SLC25A16: variants seen among roughly 807,000 people sequenced by gnomAD.
SLC25A16 encodes the protein solute carrier family 25 member 16.
In SLC25A16, 39 loss-of-function variants were observed where a neutral mutation model predicts 41.5. The ratio of observed to expected loss-of-function variants is 0.94; its 90% CI spans 0.73 to 1.23. SLC25A16 has a LOEUF of 1.23. Ranked by LOEUF, SLC25A16 falls within the 50% of genes most tolerant of loss-of-function variation. The pLI, the probability that SLC25A16 is intolerant of heterozygous loss-of-function variation, is 0.00. For missense variants in SLC25A16, 421 were observed against 426.9 expected, an observed-to-expected ratio of 0.99 and a Z score of 0.12; for synonymous variants, 146 against 147.8, an observed-to-expected ratio of 0.99 and a Z score of 0.09.
chr10:68,482,884 C>T lies in SLC25A16; in HGVS notation c.*548G>A, dbSNP rs2052500938. ...CTACATGGCTACCTTTTAAATACAA[C>T]ATTAATTTTATTTAAAAAATGAAGG... On this transcript the variant is annotated 3_prime_UTR_variant, in exon 9 of 9. Coordinates refer to ENST00000609923, the MANE Select transcript of SLC25A16 (RefSeq NM_152707.4). 1 of 152,084 alleles carries T rather than the reference C, an allele frequency of 6.6e-6. No individual in the cohort carries two copies. Among genetic ancestry groups the T allele is most frequent in the Non-Finnish European group, 1.5e-5 (1 of 68,020 alleles). 9.4% of individuals were successfully genotyped at this position (152,084 alleles called of 1,614,324 possible).
intron 2 of SLC25A16, among the ~76,000 whole-genome samples, chr10:68,510,170 GAGT>G (rs2053036376): frequency 2.6e-5 from 4 of 152,142 alleles, no homozygotes; most frequent in Admixed American, 1.3e-4. Context: ...TAAAAAGTCG[GAGT>G]AGAAGTAATA....
chr10:68,521,598 T>C (rs2053250641), intron 1 of SLC25A16, among the ~76,000 whole-genome samples: 2 of 141,502 alleles, frequency 1.4e-5, no homozygotes, highest in Non-Finnish European at 3.1e-5. Context: ...TTTTTTTTTT[T>C]TTTTTTTTTT....
intron 7 of SLC25A16, among the ~76,000 whole-genome samples, chr10:68,487,758 C>A (rs542419542): frequency 6.6e-6 from 1 of 152,256 alleles, no homozygotes; most frequent in South Asian, 2.1e-4. Flanking sequence ...GCAGCAAGTC[C>A]CCTTGAATAC....
At chr10:68,497,152 G>A (rs1441173787) in intron 4 of SLC25A16, among the ~76,000 whole-genome samples, 1 of 152,174 alleles carries the variant, frequency 6.6e-6, no homozygotes, top group Non-Finnish European at 1.5e-5. Flanking sequence ...TGTTCTCAAA[G>A]ACAGCTTCTC....
chr10:68,488,339 T>G (rs1457103649), intron 7 of SLC25A16, 128 bp downstream of exon 7: 3 of 588,610 alleles, frequency 5.1e-6, no homozygotes, highest in Non-Finnish European at 8.4e-6. Flanking sequence ...TGTATTAAAT[T>G]GAGACCTATA....
At chr10:68,504,774 G>A (rs983781410) in intron 3 of SLC25A16, among the ~76,000 whole-genome samples, 5 of 152,150 alleles carry the variant, frequency 3.3e-5, no homozygotes, top group East Asian at 1.9e-4. Flanking sequence ...TCCGTATCCC[G>A]GGTTCAAGCG....
At position 68,499,584 on chromosome 10, in the gene SLC25A16, G is replaced by A. The variant is rs371680947; in HGVS notation, c.421+4048C>T. ...AACCGAGGCAAGAAACGCAAAAGGC[G>A]TTTCAATGCAATATCCAACATTAGC... is the stretch of plus-strand genomic sequence containing the variant. On this transcript the variant is annotated intron_variant, in intron 4 of 8. Transcript: ENST00000609923. 77 of 289,160 alleles carry A rather than the reference G, an allele frequency of 2.7e-4. 1 individual carries two copies. The highest frequency in any genetic ancestry group is 2.5e-3 in the South Asian group (60 of 24,312). The allele number at this position is 289,160 out of a possible 1,614,324, so 17.9% of individuals were successfully genotyped here. A position where few individuals can be genotyped will look rare whatever the true frequency, so the allele number is the denominator to read the frequency against.
At position 68,488,599 on chromosome 10, in the gene SLC25A16, T is replaced by G. The variant is rs891793029; in HGVS notation, c.641A>C (p.Lys214Thr). ...AGGAGCATGGGAAAGCCCAACACTC[T>G]TCAAGGTACCAAAAGTAAAAAATGA... Reference protein sequence around the residue: ...GVSFFTFGTLKSVGLSHAPTL... With the variant: ...GVSFFTFGTLTSVGLSHAPTL... The change falls in exon 7 of 9, where the codon AAG (lysine) becomes ACG (threonine). Residue 214 changes from lysine (K) to threonine (T), a missense_variant. Coordinates refer to ENST00000609923, the MANE Select transcript of SLC25A16 (RefSeq NM_152707.4). The G allele has an allele frequency of 6.2e-7, 1 of 1,613,166 alleles. No individual in the cohort carries two copies. The highest frequency in any genetic ancestry group is 1.3e-5 in the African/African-American group (1 of 74,984).
Position 68,511,019 on chromosome 10 carries a change from A to T in SLC25A16, c.224-4301T>A, listed in dbSNP as rs370793027. 4.6e-5 allele frequency among the ~76,000 whole-genome samples: 7 copies of T among 152,276 alleles called. No homozygotes were observed. The South Asian group carries it at 1.2e-3, about 27-fold the overall frequency. The stretch of plus-strand genomic sequence containing the variant: ...TTTGGGAGGCCAAAGCGGGCAGAAC[A>T]CGAGGTCAGGAGGTCGAGACCAGCA... On this transcript the variant is annotated intron_variant, in intron 2 of 8. Coordinates refer to ENST00000609923, the MANE Select transcript of SLC25A16 (RefSeq NM_152707.4).
intron 8 of SLC25A16, 28 bp from the exon 9 acceptor site, chr10:68,483,616 T>A: frequency 6.5e-7 from 1 of 1,530,080 alleles, no homozygotes; most frequent in Non-Finnish European, 8.8e-7. Flanking sequence ...AATGATGACC[T>A]CTATGCCCAC....
chr10:68,513,622 G>T (rs1277756535), intron 2 of SLC25A16, among the ~76,000 whole-genome samples: 1 of 152,124 alleles, frequency 6.6e-6, no homozygotes, highest in East Asian at 1.9e-4. Flanking sequence ...GCGCGTGGTG[G>T]CTCATGCCTG....
intron 1 of SLC25A16, among the ~76,000 whole-genome samples, chr10:68,521,546 A>G (rs1410099740): frequency 1.3e-5 from 2 of 149,140 alleles, no homozygotes; most frequent in African/African-American, 2.5e-5. Flanking sequence ...AAAAATAAAC[A>G]CAACGAGGAC....
chr10:68,488,148 CCT>C (rs2052595646), intron 7 of SLC25A16, among the ~76,000 whole-genome samples: 1 of 152,082 alleles, frequency 6.6e-6, no homozygotes, highest in Non-Finnish European at 1.5e-5. Flanking sequence ...CCGCGCCCAC[CCT>C]CTTTCTTTTT....
At chr10:68,522,410 T>C (rs1378115855) in intron 1 of SLC25A16, among the ~76,000 whole-genome samples, 1 of 151,206 alleles carries the variant, frequency 6.6e-6, no homozygotes, top group Non-Finnish European at 1.5e-5. Flanking sequence ...CCAGGCACAG[T>C]GGCTCATGCC....
At chr10:68,488,168 G>C (rs1336804911) in intron 7 of SLC25A16, among the ~76,000 whole-genome samples, 1 of 151,778 alleles carries the variant, frequency 6.6e-6, no homozygotes, top group African/African-American at 2.4e-5. Flanking sequence ...TTTTTCTTAG[G>C]GGCAAGGTCT....
At chr10:68,500,396 C>A (rs1410177228) in intron 4 of SLC25A16, among the ~76,000 whole-genome samples, 3 of 152,072 alleles carry the variant, frequency 2.0e-5, no homozygotes, top group Non-Finnish European at 4.4e-5. Context: ...CAACCTCCAC[C>A]TCCCAGGTTC....
intron 4 of SLC25A16, among the ~76,000 whole-genome samples, chr10:68,500,156 A>G (rs61856473): frequency 0.094 from 14,286 of 152,238 alleles, 1,104 homozygotes; most frequent in South Asian, 0.25. Context: ...TAAAATGATC[A>G]TTAAAAACAC....
intron 2 of SLC25A16, among the ~76,000 whole-genome samples, chr10:68,507,068 C>CT (rs1491269707): frequency 2.1e-3 from 273 of 129,860 alleles, no homozygotes; most frequent in South Asian, 5.0e-3. Flanking sequence ...AGATGACCTA[C>CT]TCTTTTTTTT....
intron 8 of SLC25A16, 55 bp downstream of exon 8, chr10:68,487,089 G>T: frequency 2.9e-6 from 4 of 1,358,566 alleles, no homozygotes; most frequent in South Asian, 2.3e-5. Flanking sequence ...TCTCCTTACT[G>T]AGTTTAATGT....
Sources: allele counts gnomAD v4.1 joint callset (sites outside exome capture counted in the v4.1 genomes callset), GRCh38; gene constraint gnomAD v4.1.1; transcripts MANE v1.5; gene names NCBI Gene and HGNC (gene_info 2026-07-23, HGNC 2026-07-21).